The following CFAP161 variants were observed in gnomAD, a reference collection of about 807,000 sequenced individuals.
The protein encoded by CFAP161 is cilia- and flagella-associated protein 161.
Under a neutral mutation model 29.0 loss-of-function variants are expected in CFAP161, and 25 were observed. That is an observed-to-expected ratio of 0.86 (90% CI 0.63 to 1.20). The LOEUF is 1.20. Ranked by LOEUF, CFAP161 falls within the 50% of genes most tolerant of loss-of-function variation. CFAP161 has a pLI of 0.00. For synonymous variants in CFAP161, 116 were observed against 137.4 expected, an observed-to-expected ratio of 0.84 and a Z score of 1.09; for missense variants, 367 against 371.9, an observed-to-expected ratio of 0.99 and a Z score of 0.11.
chr15:81,135,419 G>T (rs1187927415), intron 2 of CFAP161, 60 bp downstream of exon 2: 1 of 1,168,954 alleles, frequency 8.6e-7, no homozygotes, highest in Non-Finnish European at 1.2e-6. Context: ...CAACGTGCAG[G>T]TTTGTTACAT....
rs1208082838 is a variant in CFAP161, at chr15:81,134,346, A to G, written c.17A>G (p.Tyr6Cys). The change falls in exon 1 of 7, where the codon TAT (tyrosine) becomes TGT (cysteine). Residue 6 changes from tyrosine to cysteine, a missense_variant. By Grantham distance (194) the Tyr-to-Cys change is radical (BLOSUM62 -2). Transcript: ENST00000286732. ...CAGGGAGCGATGGCGCAGAACGTGT[A>G]TGGTCCGGGAGTCCGGATAGGCAAC... MAQNV[Y>C]GPGVRIGNWN... The G allele has an allele frequency of 3.8e-6, 6 of 1,590,328 alleles. No homozygotes were observed. Among genetic ancestry groups the G allele is most frequent in the South Asian group, 3.5e-5 (3 of 86,632 alleles).
intron 1 of CFAP161, among the ~76,000 whole-genome samples, chr15:81,124,914 A>G (rs186297332): frequency 3.4e-4 from 52 of 152,112 alleles, no homozygotes; most frequent in Non-Finnish European, 1.0e-4. Context: ...TAATAGACTC[A>G]TATACTTTAG....
intron 1 of CFAP161, among the ~76,000 whole-genome samples, chr15:81,111,834 G>A (rs1894443138): frequency 6.6e-6 from 1 of 152,170 alleles, no homozygotes; most frequent in African/African-American, 2.4e-5. Flanking sequence ...AAAAGTCTCT[G>A]AGTCATTGTT....
intron 2 of CFAP161, 47 bp from the exon 3 acceptor site, chr15:81,136,469 T>G (rs1187530807): frequency 6.4e-7 from 1 of 1,554,052 alleles, no homozygotes; most frequent in Admixed American, 1.7e-5. Context: ...GCAGTAACTG[T>G]TGAGGAATTG....
chr15:81,143,347 T>C (rs1894946856), intron 4 of CFAP161, among the ~76,000 whole-genome samples: 1 of 152,038 alleles, frequency 6.6e-6, no homozygotes, highest in Non-Finnish European at 1.5e-5. Flanking sequence ...AACCCATTGG[T>C]CCAGTTCCTA....
At chr15:81,124,607 C>T (rs1894617278) in intron 1 of CFAP161, among the ~76,000 whole-genome samples, 1 of 152,006 alleles carries the variant, frequency 6.6e-6, no homozygotes, top group Non-Finnish European at 1.5e-5. Flanking sequence ...TTCTTTGTAC[C>T]TCTGGTAGAA....
upstream of CFAP161, chr15:81,134,156 A>AG (rs1266408513): frequency 1.5e-6 from 1 of 656,200 alleles, no homozygotes; most frequent in Admixed American, 3.0e-5. Context: ...GGCCACAGAC[A>AG]GCCGCTGACC....
chr15:81,138,514 A>G (rs1229022063), intron 4 of CFAP161, among the ~76,000 whole-genome samples: 2 of 152,224 alleles, frequency 1.3e-5, no homozygotes, highest in Non-Finnish European at 2.9e-5. Context: ...CAACTTTTTT[A>G]TTTAAACTTT....
intron 1 of CFAP161, among the ~76,000 whole-genome samples, chr15:81,113,616 G>T (rs1457769236): frequency 1.3e-5 from 2 of 152,166 alleles, no homozygotes; most frequent in Non-Finnish European, 2.9e-5. Context: ...TGTTATAAAG[G>T]ATACAACTCA....
upstream of CFAP161, among the ~76,000 whole-genome samples, chr15:81,132,174 G>A (rs952674424): frequency 1.3e-5 from 2 of 152,142 alleles, no homozygotes; most frequent in African/African-American, 4.8e-5. Flanking sequence ...GTACTCAGGA[G>A]GCTGAGGCAT....
At chr15:81,145,893 T>C (rs1337693763) in intron 5 of CFAP161, among the ~76,000 whole-genome samples, 1 of 152,196 alleles carries the variant, frequency 6.6e-6, no homozygotes, top group African/African-American at 2.4e-5. Context: ...TGCTCTGGAC[T>C]GGATGCTGTC....
At chr15:81,126,742 G>A (rs545203689) in intron 1 of CFAP161, among the ~76,000 whole-genome samples, 3 of 152,180 alleles carry the variant, frequency 2.0e-5, no homozygotes, top group Non-Finnish European at 2.9e-5. Context: ...CAATTGTTAG[G>A]CAAAACTATT....
intron 1 of CFAP161, among the ~76,000 whole-genome samples, chr15:81,105,813 G>A (rs953324184): frequency 5.3e-5 from 8 of 152,190 alleles, no homozygotes; most frequent in African/African-American, 1.9e-4. Flanking sequence ...TATTTCCAGT[G>A]AATAAAATTT....
chr15:81,124,065 C>T (rs1894609481), intron 1 of CFAP161, among the ~76,000 whole-genome samples: 1 of 152,136 alleles, frequency 6.6e-6, no homozygotes, highest in Non-Finnish European at 1.5e-5. Context: ...GCCAGAACTT[C>T]CAATACTATG....
intron 1 of CFAP161, among the ~76,000 whole-genome samples, chr15:81,108,566 G>A (rs147835402): frequency 0.034 from 5,183 of 152,142 alleles, 133 homozygotes; most frequent in Middle Eastern, 0.058. Flanking sequence ...AATTAGAAGG[G>A]CCAAACTAGA....
chr15:81,101,693 CAA>C (rs1894306185), intron 1 of CFAP161, among the ~76,000 whole-genome samples: 1 of 152,062 alleles, frequency 6.6e-6, no homozygotes, highest in Non-Finnish European at 1.5e-5. Flanking sequence ...CATTAACACT[CAA>C]AGAGCCAGCC....
chr15:81,134,007 G>T (rs144634365), upstream of CFAP161, among the ~76,000 whole-genome samples: 37 of 152,276 alleles, frequency 2.4e-4, no homozygotes, highest in East Asian at 7.2e-3. Context: ...AGGGGTACTC[G>T]ATAGCACTTT....
chr15:81,103,372 T>G (rs576447078), intron 1 of CFAP161, among the ~76,000 whole-genome samples: 12 of 152,256 alleles, frequency 7.9e-5, no homozygotes, highest in African/African-American at 2.6e-4. Flanking sequence ...GACTCTAGTC[T>G]TTCCCCACCC....
chr15:81,115,096 A>T (rs543995569), intron 1 of CFAP161, among the ~76,000 whole-genome samples: 37 of 152,258 alleles, frequency 2.4e-4, no homozygotes, highest in African/African-American at 8.9e-4. Flanking sequence ...TTTTTGTATA[A>T]GTTTGTGACG....
Sources: allele counts gnomAD v4.1 joint callset (sites outside exome capture counted in the v4.1 genomes callset), GRCh38; gene constraint gnomAD v4.1.1; transcripts MANE v1.5; gene names NCBI Gene and HGNC (gene_info 2026-07-23, HGNC 2026-07-21).